The following STRA6 variants were observed in gnomAD, a reference collection of about 807,000 sequenced individuals.
STRA6 encodes the protein signaling receptor and transporter of retinol STRA6, also known as receptor for retinol uptake STRA6.
Under a neutral mutation model 83.6 loss-of-function variants are expected in STRA6, and 48 were observed. The ratio of observed to expected loss-of-function variants is 0.57; its 90% CI spans 0.46 to 0.73. The LOEUF is 0.73. Ranked by LOEUF, STRA6 falls within the 30% of genes least tolerant of loss-of-function variation. The probability of loss-of-function intolerance (pLI) is 0.00; values close to 1 mark genes in which losing one functional copy is unlikely to be tolerated. For missense variants in STRA6, 760 were observed against 838.8 expected, an observed-to-expected ratio of 0.91 and a Z score of 1.16; for synonymous variants, 353 against 362.3, an observed-to-expected ratio of 0.97 and a Z score of 0.29.
upstream of STRA6, among the ~76,000 whole-genome samples, chr15:74,206,564 A>G (rs139993411): frequency 2.9e-4 from 44 of 152,334 alleles, no homozygotes; most frequent in East Asian, 8.3e-3. Flanking sequence ...AGGGGCACTG[A>G]TACCCAGGAA....
chr15:74,207,780 C>T, upstream of STRA6: 1 of 1,535,692 alleles, frequency 6.5e-7, no homozygotes, highest in Non-Finnish European at 8.7e-7. Context: ...TTGGGGTGTG[C>T]CCTCAGTGGC....
intron 14 of STRA6, chr15:74,183,525 T>C: frequency 8.4e-7 from 1 of 1,196,034 alleles, no homozygotes; most frequent in Non-Finnish European, 1.1e-6. Context: ...ATTACAGGTG[T>C]GAGCCACTGA....
At chr15:74,207,622 C>T, upstream of STRA6, 1 of 1,387,272 alleles carries the variant, frequency 7.2e-7, no homozygotes, top group South Asian at 1.2e-5. Context: ...TCAGGTACAC[C>T]CCCAACTTCG....
In STRA6 at chr15:74,202,231, C is replaced by T. The variant is rs1401289379; in HGVS notation, c.37G>A (p.Gly13Arg). The T allele has an allele frequency of 7.2e-6, 11 of 1,535,586 alleles. No individual in the cohort carries two copies. The highest frequency in any genetic ancestry group is 2.8e-5 in the African/African-American group (2 of 71,588). ...SQPAGNQTSPGATEDYSYGSW... is the reference protein window; with the variant it reads ...SQPAGNQTSPRATEDYSYGSW... ...CCATAGGAGTAGTCCTCTGTGGCCC[C>T]GGGGGAGGTCTGGTTCCCTGCTGGC... Residue 13 changes from glycine (G) to arginine (R), a missense_variant, in exon 2 of 19, where the codon GGG becomes AGG. Physicochemically the swap from Gly to Arg is moderately radical, Grantham distance 125. Coordinates refer to ENST00000395105, the MANE Select transcript of STRA6 (RefSeq NM_022369.4).
At chr15:74,189,980 T>C (rs1463214084) in intron 11 of STRA6, among the ~76,000 whole-genome samples, 2 of 152,202 alleles carry the variant, frequency 1.3e-5, no homozygotes, top group African/African-American at 4.8e-5. Context: ...ACTGTTTACA[T>C]AGCACTTATG....
At chr15:74,192,086 C>T in intron 8 of STRA6, 1 of 164,020 alleles carries the variant, frequency 6.1e-6, no homozygotes, top group Non-Finnish European at 1.3e-5. Context: ...CACTTGTTGC[C>T]ATGACAACCC....
chr15:74,183,559 T>G, intron 14 of STRA6: 1 of 1,248,034 alleles, frequency 8.0e-7, no homozygotes, highest in South Asian at 1.6e-5. Context: ...TGTACCATTT[T>G]GAATTTGACA....
intron 8 of STRA6, 148 bp downstream of exon 8, chr15:74,193,652 T>A (rs929760141): frequency 4.4e-6 from 6 of 1,375,912 alleles, no homozygotes; most frequent in African/African-American, 4.3e-5. Flanking sequence ...GAGGGAGGAC[T>A]AAGCAGTCAC....
intron 12 of STRA6, among the ~76,000 whole-genome samples, chr15:74,187,462 C>T (rs2073309013): frequency 1.3e-5 from 2 of 151,968 alleles, no homozygotes; most frequent in Non-Finnish European, 2.9e-5. Flanking sequence ...AGAGGTAATG[C>T]ACTTTGCCCA....
intron 14 of STRA6, chr15:74,183,404 C>T: frequency 1.6e-6 from 1 of 606,818 alleles, no homozygotes. Context: ...CACCACCATA[C>T]CCGGCTAATT....
Position 74,191,508 on chromosome 15 carries a change from T to C in STRA6, c.721-17A>G, listed in dbSNP as rs1308183315. The C allele has an allele frequency of 2.0e-5, 33 of 1,612,206 alleles. No homozygotes were observed. The highest frequency in any genetic ancestry group is 2.7e-5 in the African/African-American group (2 of 74,866). On this transcript the variant is annotated splice_polypyrimidine_tract_variant and intron_variant, in intron 8 of 18. Transcript: ENST00000395105. Reference sequence around the variant, plus strand: ...CTGCAGCCCCTGTGGAGACAGACAATTGAACAAGCAGATGAGATCTGCCTC... The same window carrying C: ...CTGCAGCCCCTGTGGAGACAGACAACTGAACAAGCAGATGAGATCTGCCTC...
rs773953074 is a variant in STRA6, at chr15:74,193,822, C to T, written c.698G>A (p.Arg233His). The T allele has an allele frequency of 2.0e-5, 32 of 1,613,902 alleles. No individual in the cohort carries two copies. The highest frequency in any genetic ancestry group is 3.3e-4 in the Middle Eastern group (2 of 6,060). ...YPVQLVRSFSRRTGAGSKGLQ... is the reference protein window; with the variant it reads ...YPVQLVRSFSHRTGAGSKGLQ... ...TACCTTGGAGCCTGCTCCTGTCCTA[C>T]GGCTGAAGCTTCTCACCAGCTGCAC... The change falls in exon 8 of 19, where the codon CGT (arginine) becomes CAT (histidine). Residue 233 changes from arginine to histidine, a missense_variant. By Grantham distance (29) the Arg-to-His change is conservative. Coordinates refer to ENST00000395105, the MANE Select transcript of STRA6 (RefSeq NM_022369.4).
chr15:74,199,418 A>G lies in STRA6; in HGVS notation c.114-1600T>C, dbSNP rs115191454. 8.7e-3 allele frequency among the ~76,000 whole-genome samples: 1,319 copies of G among 152,280 alleles called. 19 individuals are homozygous for G. Among genetic ancestry groups the G allele is most frequent in the African/African-American group, 0.03 (1,257 of 41,554 alleles). On this transcript the variant is annotated intron_variant, in intron 2 of 18. Transcript: ENST00000395105. ...CGTGAGTAGCAGCCACACTGACTCC[A>G]GTGTCAGCTCCCCACCTCCAGCTCC... is the stretch of plus-strand genomic sequence containing the variant.
intron 14 of STRA6, chr15:74,183,335 T>G: frequency 4.3e-6 from 1 of 230,424 alleles, no homozygotes; most frequent in Non-Finnish European, 8.0e-6. Context: ...AACCTCCACC[T>G]CCTGGGTTCA....
At chr15:74,185,091 G>A (rs1296074317) in intron 12 of STRA6, 36 bp from the exon 13 acceptor site, 2 of 1,606,418 alleles carry the variant, frequency 1.2e-6, no homozygotes, top group African/African-American at 2.7e-5. Flanking sequence ...GAGAGGTCAG[G>A]GTCTGGAGAG....
At chr15:74,181,494 C>T in intron 16 of STRA6, 36 bp from the exon 17 acceptor site, 1 of 1,607,528 alleles carries the variant, frequency 6.2e-7, no homozygotes, top group Non-Finnish European at 8.5e-7. Context: ...CAGGCCGTTC[C>T]CCAGAGCTCC....
intron 16 of STRA6, 80 bp from the exon 17 acceptor site, chr15:74,181,538 G>T: frequency 6.4e-7 from 1 of 1,553,190 alleles, no homozygotes; most frequent in Non-Finnish European, 8.8e-7. Context: ...TGGATGCCCA[G>T]AACTGCTGTG....
intron 2 of STRA6, among the ~76,000 whole-genome samples, chr15:74,201,486 C>T (rs1469763272): frequency 6.6e-6 from 1 of 152,172 alleles, no homozygotes; most frequent in East Asian, 1.9e-4. Context: ...CCAGACTAAA[C>T]CCCGGTAGAA....
In STRA6 at chr15:74,188,994, G is replaced by T; in HGVS notation, c.1090+121C>A. On this transcript the variant is annotated intron_variant, in intron 12 of 18. Transcript: ENST00000395105. The surrounding 1 kb of genome is among the most constrained non-coding windows in gnomAD (Gnocchi z 4.5). ...TTGGAGATGAGGCAATCGAGACCCA[G>T]AGAGAGGAAGGAATGTGTCCAAGGG... is the stretch of plus-strand genomic sequence containing the variant. 1 of 1,240,156 alleles carries T rather than the reference G, an allele frequency of 8.1e-7. No homozygotes were observed. Among genetic ancestry groups the T allele is most frequent in the Non-Finnish European group, 1.1e-6 (1 of 879,058 alleles). The allele number at this position is 1,240,156 out of a possible 1,614,324, so 76.8% of individuals were successfully genotyped here. A position where few individuals can be genotyped will look rare whatever the true frequency, so the allele number is the denominator to read the frequency against.
Sources: allele counts gnomAD v4.1 joint callset (sites outside exome capture counted in the v4.1 genomes callset), GRCh38; gene constraint gnomAD v4.1.1; non-coding constraint Gnocchi (gnomAD v3.1); transcripts MANE v1.5; gene names NCBI Gene and HGNC (gene_info 2026-07-23, HGNC 2026-07-21).